Variants in ABCA5 observed in about 807,000 individuals in gnomAD.
The protein encoded by ABCA5 is cholesterol transporter ABCA5.
In ABCA5, 163 loss-of-function variants were observed where a neutral mutation model predicts 206.0. That is an observed-to-expected ratio of 0.79 (90% CI 0.70 to 0.90). ABCA5 has a LOEUF of 0.90. ABCA5 is among the 40% of genes least tolerant of loss of function. The pLI is 0.00. For synonymous variants in ABCA5, 609 were observed against 613.8 expected, an observed-to-expected ratio of 0.99 and a Z score of 0.11; for missense variants, 1,859 against 1,912.9, an observed-to-expected ratio of 0.97 and a Z score of 0.53.
chr17:69,300,028 A>C (rs1432373784), intron 9 of ABCA5, among the ~76,000 whole-genome samples: 1 of 152,188 alleles, frequency 6.6e-6, no homozygotes, highest in African/African-American at 2.4e-5. Flanking sequence ...AGGATGATTC[A>C]AATGCATTAC....
intron 1 of ABCA5, among the ~76,000 whole-genome samples, chr17:69,321,615 A>C (rs1683220460): frequency 6.6e-6 from 1 of 152,234 alleles, no homozygotes; most frequent in African/African-American, 2.4e-5. Context: ...GAGTTCACTC[A>C]CTAGCAGCTG....
chr17:69,311,024 T>A (rs539954882), intron 3 of ABCA5, among the ~76,000 whole-genome samples: 1 of 152,032 alleles, frequency 6.6e-6, no homozygotes, highest in Non-Finnish European at 1.5e-5. Flanking sequence ...CGAAACCCTG[T>A]CTCTACAAAA....
chr17:69,309,247 T>C lies in ABCA5; in HGVS notation c.469+15A>G, dbSNP rs754591138. ...GCATTTAATTGATCTTCAATGATTATGTAGGGCTATTTACCTCTTGAATCC... is the reference window on the plus strand; with the variant it reads ...GCATTTAATTGATCTTCAATGATTACGTAGGGCTATTTACCTCTTGAATCC... On this transcript the variant is annotated intron_variant, in intron 4 of 38. Coordinates refer to ENST00000392676, the MANE Select transcript of ABCA5 (RefSeq NM_172232.4). 1.9e-5 allele frequency: 29 copies of C among 1,535,632 alleles called. No individual in the cohort carries two copies. Among genetic ancestry groups the C allele is most frequent in the Non-Finnish European group, 2.4e-5 (28 of 1,146,010 alleles).
intron 20 of ABCA5, among the ~76,000 whole-genome samples, chr17:69,271,701 A>G (rs1431912850): frequency 6.6e-6 from 1 of 151,774 alleles, no homozygotes; most frequent in East Asian, 1.9e-4. Context: ...AACATTGAAA[A>G]GTTAACCTAT....
At chr17:69,307,794 T>G (rs11652207) in intron 5 of ABCA5, among the ~76,000 whole-genome samples, 68,721 of 151,958 alleles carry the variant, frequency 0.45, 16,460 homozygotes, top group Middle Eastern at 0.55. Flanking sequence ...GTTCAGATTT[T>G]GATTCCAGCT....
chr17:69,293,605 GAAAA>G (rs970206048), intron 11 of ABCA5, among the ~76,000 whole-genome samples: 1 of 152,028 alleles, frequency 6.6e-6, no homozygotes, highest in African/African-American at 2.4e-5. Context: ...GGCCTTAAGA[GAAAA>G]AACAGGTTCC....
intron 18 of ABCA5, among the ~76,000 whole-genome samples, chr17:69,280,614 G>T (rs1183527849): frequency 6.6e-6 from 1 of 151,198 alleles, no homozygotes; most frequent in African/African-American, 2.4e-5. Flanking sequence ...ATTCACAATA[G>T]CAAAGACTTG....
chr17:69,308,884 T>G (rs1267107316), intron 4 of ABCA5, among the ~76,000 whole-genome samples: 2 of 152,050 alleles, frequency 1.3e-5, no homozygotes, highest in African/African-American at 4.8e-5. Context: ...ATGTTTCAAA[T>G]ATAAAACTAA....
chr17:69,306,928 C>A lies in ABCA5; in HGVS notation c.585G>T (p.Lys195Asn). 6.4e-7 allele frequency: 1 copy of A among 1,560,176 alleles called. No homozygotes were observed. Among genetic ancestry groups the A allele is most frequent in the Non-Finnish European group, 8.6e-7 (1 of 1,157,030 alleles). The change falls in exon 6 of 39, where the codon AAG becomes AAT. Residue 195 changes from lysine (K) to asparagine (N), a missense_variant. Lys to Asn is a moderately conservative substitution (Grantham distance 94). Transcript: ENST00000392676. ...IQLKTNVSLW[K>N]ELESTKAVIM... ...TAACAGCTTTAGTTGACTCCAGCTC[C>A]TTCCAAAGAGAAACATTGGTCTTCA...
intron 18 of ABCA5, among the ~76,000 whole-genome samples, chr17:69,278,825 A>G (rs1232439249): frequency 6.6e-6 from 1 of 152,108 alleles, no homozygotes; most frequent in African/African-American, 2.4e-5. Context: ...GCCTTTGACA[A>G]AATTCAACAA....
chr17:69,262,484 A>AT (rs1436512756), intron 24 of ABCA5, among the ~76,000 whole-genome samples: 15 of 152,118 alleles, frequency 9.9e-5, no homozygotes, highest in Admixed American at 3.3e-4. Flanking sequence ...AACATGCAAT[A>AT]GTTGGTTTTC....
intron 22 of ABCA5, among the ~76,000 whole-genome samples, chr17:69,269,357 C>T (rs1017536944): frequency 1.3e-5 from 2 of 152,168 alleles, no homozygotes; most frequent in Admixed American, 6.5e-5. Flanking sequence ...GCAATATTAA[C>T]ATTTGAAATA....
chr17:69,308,474 A>T (rs914674394), intron 4 of ABCA5, 106 bp from the exon 5 acceptor site: 1 of 693,386 alleles, frequency 1.4e-6, no homozygotes, highest in African/African-American at 1.8e-5. Flanking sequence ...TAATCAATCA[A>T]TCTTTACAGG....
At position 69,289,168 on chromosome 17, in the gene ABCA5, T is replaced by C. The variant is rs182877835; in HGVS notation, c.1902+9A>G. 33 of 1,594,086 alleles carry C rather than the reference T, an allele frequency of 2.1e-5. No homozygotes were observed. Among genetic ancestry groups the C allele is most frequent in the Admixed American group, 2.0e-4 (11 of 54,478 alleles). ...AATGAGCTCATCTGTAAAAGTAATATTTATTTACCTTTGGGTTCCCAAGAA... is the reference window on the plus strand; with the variant it reads ...AATGAGCTCATCTGTAAAAGTAATACTTATTTACCTTTGGGTTCCCAAGAA... On this transcript the variant is annotated intron_variant, in intron 14 of 38. Coordinates refer to ENST00000392676, the MANE Select transcript of ABCA5 (RefSeq NM_172232.4).
rs555887034 is a variant in ABCA5 at position 69,284,096 on chromosome 17, A to AGTATATC, written c.2273-31_2273-25dup. Reference sequence around the variant, plus strand: ...ACCTAAAAGAAAAAAATGAAAGAATAGTATATCTTTAAGCATATTATCATA... The same window carrying AGTATATC: ...ACCTAAAAGAAAAAAATGAAAGAATAGTATATCGTATATCTTTAAGCATATTATCATA... On this transcript the variant is annotated intron_variant, in intron 17 of 38. Coordinates refer to ENST00000392676, the MANE Select transcript of ABCA5 (RefSeq NM_172232.4). 2.3e-5 allele frequency: 34 copies of AGTATATC among 1,501,734 alleles called. 1 individual carries two copies. In the South Asian group the frequency reaches 4.3e-4, roughly 19 times the overall value. The allele number at this position is 1,501,734 out of a possible 1,614,324, so 93.0% of individuals were successfully genotyped here.
Position 69,287,739 on chromosome 17 carries a change from C to T in ABCA5, c.1915G>A (p.Asp639Asn). The change falls in exon 15 of 39, where the codon GAT (aspartate) becomes AAT (asparagine). Residue 639 changes from aspartate to asparagine, a missense_variant. Physicochemically the swap from Asp to Asn is conservative, Grantham distance 23 (BLOSUM62 1). Coordinates refer to ENST00000392676, the MANE Select transcript of ABCA5 (RefSeq NM_172232.4). ...GGGTCCATTCCAGCTGTTGGTTCAT[C>T]TAGCAGCAGTATCTGTGTGAAAAGA... ...VLGNPKILLLDEPTAGMDPCS... is the reference protein window; with the variant it reads ...VLGNPKILLLNEPTAGMDPCS... The T allele has an allele frequency of 6.2e-6, 10 of 1,612,934 alleles. No individual in the cohort carries two copies. Among genetic ancestry groups the T allele is most frequent in the Non-Finnish European group, 8.5e-6 (10 of 1,179,550 alleles).
chr17:69,302,747 G>T lies in ABCA5; in HGVS notation c.1090C>A (p.His364Asn). The T allele has an allele frequency of 6.3e-7, 1 of 1,584,504 alleles. No homozygotes were observed. Among genetic ancestry groups the T allele is most frequent in the South Asian group, 1.2e-5 (1 of 84,738 alleles). Residue 364 changes from histidine (H) to asparagine (N), a missense_variant, in exon 8 of 39, where the codon CAC (histidine) becomes AAC (asparagine). His to Asn is a moderately conservative substitution (Grantham distance 68). Transcript: ENST00000392676. ...SLVWLFSPFC[H>N]CTFVIGIAQV... The stretch of plus-strand genomic sequence containing the variant: ...GCAATACCAATCACAAAAGTACAGT[G>T]ACAGAAAGGACTGAAAAGCCACACT...
At chr17:69,300,843 G>A (rs2075644667) in intron 9 of ABCA5, among the ~76,000 whole-genome samples, 1 of 152,064 alleles carries the variant, frequency 6.6e-6, no homozygotes, top group Non-Finnish European at 1.5e-5. Context: ...AGACCTTAGA[G>A]GGTAAAATAA....
At chr17:69,303,760 A>T (rs1479431910) in intron 7 of ABCA5, among the ~76,000 whole-genome samples, 13 of 4,248 alleles carry the variant, frequency 3.1e-3, no homozygotes, top group African/African-American at 3.7e-3. Flanking sequence ...CCTCGACTCT[A>T]AAAAAAAAAA....
Sources: allele counts gnomAD v4.1 joint callset (sites outside exome capture counted in the v4.1 genomes callset), GRCh38; gene constraint gnomAD v4.1.1; transcripts MANE v1.5; gene names NCBI Gene and HGNC (gene_info 2026-07-23, HGNC 2026-07-21).